Variants in CHMP4C observed in about 807,000 individuals in gnomAD.
CHMP4C encodes SNF7 homolog associated with Alix 3.
Under a neutral mutation model 29.0 loss-of-function variants are expected in CHMP4C, and 28 were observed. The observed-to-expected ratio is 0.97, with a 90% CI of 0.72 to 1.32. The LOEUF (loss-of-function observed/expected upper bound fraction) is 1.32. Ranked by LOEUF, CHMP4C falls within the 40% of genes most tolerant of loss-of-function variation. CHMP4C has a pLI of 0.00. For synonymous variants in CHMP4C, 106 were observed against 102.4 expected, an observed-to-expected ratio of 1.04 and a Z score of -0.21; for missense variants, 291 against 281.0, an observed-to-expected ratio of 1.04 and a Z score of -0.25.
intron 1 of CHMP4C, among the ~76,000 whole-genome samples, chr8:81,744,331 G>T (rs1008976586): frequency 6.6e-6 from 1 of 152,158 alleles, no homozygotes; most frequent in African/African-American, 2.4e-5. Context: ...TAGGAGAAAG[G>T]GTTGGGGGTG....
intron 1 of CHMP4C, among the ~76,000 whole-genome samples, chr8:81,746,580 C>T (rs1018862757): frequency 1.3e-5 from 2 of 152,176 alleles, no homozygotes; most frequent in Non-Finnish European, 2.9e-5. Flanking sequence ...GGACTTTTCC[C>T]TGACCTTCTA....
At position 81,732,680 on chromosome 8, in the gene CHMP4C, C is replaced by T. The variant is rs1236936989; in HGVS notation, c.54C>T (p.Ala18=). Residue 18 remains alanine (A), a synonymous_variant, in exon 1 of 5, where the codon GCC becomes GCT. Coordinates refer to ENST00000297265, the MANE Select transcript of CHMP4C (RefSeq NM_152284.4). ...FKGGGSSKSR[A]APSPQEALVR... Reference sequence around the variant, plus strand: ...GGGGCGGCTCTTCTAAGAGCCGAGCCGCTCCCAGTCCCCAGGAGGCCCTGG... The same window carrying T: ...GGGGCGGCTCTTCTAAGAGCCGAGCTGCTCCCAGTCCCCAGGAGGCCCTGG... The T allele has an allele frequency of 2.5e-6, 4 of 1,581,900 alleles. No individual in the cohort carries two copies. Among genetic ancestry groups the T allele is most frequent in the Non-Finnish European group, 3.4e-6 (4 of 1,163,988 alleles).
chr8:81,752,750 T>A (rs998466209), intron 1 of CHMP4C, among the ~76,000 whole-genome samples: 2 of 152,218 alleles, frequency 1.3e-5, no homozygotes, highest in Non-Finnish European at 2.9e-5. Flanking sequence ...CTCATATTTT[T>A]ATCTATCCTT....
chr8:81,758,207 C>T lies in CHMP4C; in HGVS notation c.549C>T (p.Ile183=), dbSNP rs1396817280. ...AATTAAATAAGAAGATGACAAATAT[C>T]CGCCTTCCAAATGTGCCTTCCTCTT... is the stretch of plus-strand genomic sequence containing the variant. ...QEELNKKMTN[I]RLPNVPSSSL... The change falls in exon 4 of 5, where the codon ATC becomes ATT. Residue 183 remains isoleucine (I), a synonymous_variant. Coordinates refer to ENST00000297265, the MANE Select transcript of CHMP4C (RefSeq NM_152284.4). The T allele has an allele frequency of 1.2e-6, 2 of 1,613,828 alleles. No individual in the cohort carries two copies. Among genetic ancestry groups the T allele is most frequent in the Admixed American group, 1.7e-5 (1 of 59,932 alleles).
Position 81,732,736 on chromosome 8 carries a change from G to A in CHMP4C, c.110G>A (p.Gly37Asp), listed in dbSNP as rs1294384304. 6.2e-7 allele frequency: 1 copy of A among 1,607,686 alleles called. No homozygotes were observed. The highest frequency in any genetic ancestry group is 1.7e-5 in the Admixed American group (1 of 58,992). Reference sequence around the variant, plus strand: ...CTTCGGGAGACTGAGGAGATGCTGGGCAAGAAACAAGAGTACCTGGAAAAT... The same window carrying A: ...CTTCGGGAGACTGAGGAGATGCTGGACAAGAAACAAGAGTACCTGGAAAAT... ...VRLRETEEML[G>D]KKQEYLENRI... The change falls in exon 1 of 5, where the codon GGC becomes GAC. Residue 37 changes from glycine to aspartate, a missense_variant. Transcript: ENST00000297265.
chr8:81,752,094 A>G (rs1808910979), intron 1 of CHMP4C, among the ~76,000 whole-genome samples: 1 of 152,182 alleles, frequency 6.6e-6, no homozygotes, highest in African/African-American at 2.4e-5. Flanking sequence ...TGTTGCAATT[A>G]CAAGAAGAAA....
At chr8:81,741,777 T>C (rs893277950) in intron 1 of CHMP4C, among the ~76,000 whole-genome samples, 1 of 152,208 alleles carries the variant, frequency 6.6e-6, no homozygotes, top group African/African-American at 2.4e-5. Flanking sequence ...TTTAGTAAAC[T>C]TAACTAGTTT....
intron 1 of CHMP4C, among the ~76,000 whole-genome samples, chr8:81,749,001 C>T (rs1200211965): frequency 1.3e-5 from 2 of 151,416 alleles, no homozygotes; most frequent in East Asian, 3.9e-4. Context: ...TTAGTTGCTA[C>T]ATCCCTATCA....
At chr8:81,751,849 T>C (rs951114088) in intron 1 of CHMP4C, among the ~76,000 whole-genome samples, 3 of 152,016 alleles carry the variant, frequency 2.0e-5, no homozygotes, top group Non-Finnish European at 4.4e-5. Context: ...CTTTAATATG[T>C]ATATAAAAAT....
rs142206348 is a variant in CHMP4C at position 81,745,857 on chromosome 8, A to G, written c.191-7207A>G. The stretch of plus-strand genomic sequence containing the variant: ...CAGGTCTCATCAGCTGCTTAAAAGC[A>G]CATACAGGAGTTTGGAAGATTGAAC... On this transcript the variant is annotated intron_variant, in intron 1 of 4. Transcript: ENST00000297265. Among the ~76,000 whole-genome samples the G allele has an allele frequency of 5.1e-3, 775 of 152,312 alleles. 11 individuals are homozygous for G. The highest frequency in any genetic ancestry group is 0.018 in the African/African-American group (743 of 41,570).
chr8:81,745,687 C>T (rs1030329663), intron 1 of CHMP4C, among the ~76,000 whole-genome samples: 8 of 152,142 alleles, frequency 5.3e-5, no homozygotes, highest in Admixed American at 3.3e-4. Flanking sequence ...TTCACGTATC[C>T]TGCTAGCAAT....
chr8:81,737,390 C>T (rs1299362039), intron 1 of CHMP4C, among the ~76,000 whole-genome samples: 1 of 152,128 alleles, frequency 6.6e-6, no homozygotes, highest in Non-Finnish European at 1.5e-5. Context: ...AAGATCTGTT[C>T]CTATCCCAGT....
intron 3 of CHMP4C, among the ~76,000 whole-genome samples, chr8:81,757,024 C>A (rs1808981755): frequency 6.6e-6 from 1 of 152,144 alleles, no homozygotes; most frequent in Non-Finnish European, 1.5e-5. Flanking sequence ...CTTTAGCTTG[C>A]TGCAATTCTG....
At chr8:81,744,323 G>A (rs1334103542) in intron 1 of CHMP4C, among the ~76,000 whole-genome samples, 2 of 152,168 alleles carry the variant, frequency 1.3e-5, no homozygotes, top group Non-Finnish European at 2.9e-5. Flanking sequence ...ATTTGTAGTA[G>A]GAGAAAGGGT....
chr8:81,747,312 T>C (rs915852145), intron 1 of CHMP4C, among the ~76,000 whole-genome samples: 2 of 151,676 alleles, frequency 1.3e-5, no homozygotes, highest in Non-Finnish European at 2.9e-5. Flanking sequence ...AAATATGACA[T>C]ATTTTTAAAT....
chr8:81,743,041 A>G (rs1808782528), intron 1 of CHMP4C, among the ~76,000 whole-genome samples: 1 of 151,968 alleles, frequency 6.6e-6, no homozygotes, highest in South Asian at 2.1e-4. Context: ...ATTTTTTAAG[A>G]TTTTTTGACG....
At position 81,755,406 on chromosome 8, in the gene CHMP4C, C is replaced by A; in HGVS notation, c.405C>A (p.Ile135=). Residue 135 remains isoleucine, a synonymous_variant, in exon 3 of 5, where the codon ATC becomes ATA. Transcript: ENST00000297265. ...AAATAGATGATTTGATGCAAGAGAT[C>A]ACAGAGCAACAGGATATCGCCCAAG... ...LNKIDDLMQE[I]TEQQDIAQEI... 6.2e-7 allele frequency: 1 copy of A among 1,611,304 alleles called. No homozygotes were observed. The highest frequency in any genetic ancestry group is 8.5e-7 in the Non-Finnish European group (1 of 1,178,076).
chr8:81,754,299 T>C (rs1477164549), intron 2 of CHMP4C, among the ~76,000 whole-genome samples: 1 of 152,114 alleles, frequency 6.6e-6, no homozygotes, highest in Non-Finnish European at 1.5e-5. Flanking sequence ...ATCATACCAT[T>C]GTATTACATT....
At chr8:81,752,727 T>G (rs1808918900) in intron 1 of CHMP4C, among the ~76,000 whole-genome samples, 1 of 152,198 alleles carries the variant, frequency 6.6e-6, no homozygotes, top group Non-Finnish European at 1.5e-5. Flanking sequence ...ACTTTTCTAT[T>G]GTATGATTTT....
Sources: gnomAD v4.1 joint callset for allele counts (sites outside exome capture counted in the v4.1 genomes callset) on GRCh38, gnomAD v4.1.1 for gene constraint, MANE v1.5 for transcripts, NCBI Gene and HGNC (gene_info 2026-07-23, HGNC 2026-07-21) for gene names.